Variants in SPTAN1 observed in about 807,000 individuals in gnomAD.
SPTAN1 encodes the protein spectrin alpha, non-erythrocytic 1.
SPTAN1 carries 61 observed loss-of-function variants against 331.3 expected under a neutral mutation model. The observed-to-expected ratio is 0.18, with a 90% CI of 0.15 to 0.23. The LOEUF (loss-of-function observed/expected upper bound fraction) is 0.23, where lower values mean the gene tolerates loss of function less well. Among genes scored for constraint, SPTAN1 ranks in the 10% least tolerant of loss-of-function variants. SPTAN1 has a pLI of 1.00. For missense variants in SPTAN1, 2,043 were observed against 3,147.9 expected, an observed-to-expected ratio of 0.65 and a Z score of 8.40; for synonymous variants, 1,153 against 1,173.9, an observed-to-expected ratio of 0.98 and a Z score of 0.36.
intron 56 of SPTAN1, 102 bp from the exon 57 acceptor site, chr9:128,633,107 T>A: frequency 6.2e-7 from 1 of 1,600,242 alleles, no homozygotes; most frequent in Non-Finnish European, 8.5e-7. Flanking sequence ...CGGATCTGCT[T>A]GTAGAAGCAG....
At chr9:128,584,953 C>T (rs1461671248) in intron 18 of SPTAN1, 110 bp downstream of exon 18, 6 of 1,283,438 alleles carry the variant, frequency 4.7e-6, no homozygotes, top group Non-Finnish European at 6.8e-6. Flanking sequence ...GGCTGAATAC[C>T]ATCCCCATTC....
chr9:128,626,971 C>G, intron 49 of SPTAN1: 2 of 599,166 alleles, frequency 3.3e-6, no homozygotes, highest in Non-Finnish European at 6.2e-6. Flanking sequence ...CGTGCCACCA[C>G]GCCTGGCTAA....
chr9:128,599,935 A>C (rs1338874434), intron 26 of SPTAN1, 145 bp from the exon 27 acceptor site: 1 of 843,598 alleles, frequency 1.2e-6, no homozygotes, highest in African/African-American at 1.7e-5. Context: ...TACCAGCCAA[A>C]CTATGGAGGG....
Position 128,594,194 on chromosome 9 carries a change from C to G in SPTAN1, c.3235C>G (p.Leu1079Val), listed in dbSNP as rs559839676. ...CATCAGATATCATTCTCTGCTGGAA[C>G]TGGGTGAGAAGCGTAAAGGCATGTT... ...VEELYHSLLE[L>V]GEKRKGMLEK... The change falls in exon 24 of 57, where the codon CTG becomes GTG. Residue 1079 changes from leucine to valine, a missense_variant. Leu to Val is a conservative substitution (Grantham distance 32, BLOSUM62 1). This residue lies in a region of SPTAN1 where 1,038 missense variants were observed against 1,531.5 expected (regional missense o/e 0.68). Transcript: ENST00000372739. 109 of 1,614,008 alleles carry G rather than the reference C, an allele frequency of 6.8e-5. No homozygotes were observed. The Admixed American group carries it at 1.5e-3, about 22-fold the overall frequency.
chr9:128,610,539 A>G (rs948594938), intron 37 of SPTAN1, among the ~76,000 whole-genome samples: 2 of 152,006 alleles, frequency 1.3e-5, no homozygotes, highest in Non-Finnish European at 2.9e-5. Flanking sequence ...AGAATTCCCC[A>G]ACACTACTGC....
Position 128,625,766 on chromosome 9 carries a change from C to T in SPTAN1, c.6070-3C>T. The T allele has an allele frequency of 4.3e-6, 7 of 1,613,848 alleles. No homozygotes were observed. The highest frequency in any genetic ancestry group is 5.9e-6 in the Non-Finnish European group (7 of 1,180,024). On this transcript the variant is annotated splice_polypyrimidine_tract_variant and splice_region_variant and intron_variant, in intron 47 of 56. Coordinates refer to ENST00000372739, the MANE Select transcript of SPTAN1 (RefSeq NM_001130438.3). The surrounding 1 kb of genome is among the most constrained non-coding windows in gnomAD (Gnocchi z 4.1). ...ACAAATTGGCTTGTCACTCCTTGTT[C>T]AGGAAACTTTTGACGCTGGGCTGCA...
chr9:128,587,556 T>C (rs1852815652), intron 19 of SPTAN1, 50 bp from the exon 20 acceptor site: 1 of 1,513,952 alleles, frequency 6.6e-7, no homozygotes, highest in Non-Finnish European at 9.2e-7. Context: ...CAGTGGAGGA[T>C]GGGAGGCTTC....
intron 29 of SPTAN1, 129 bp from the exon 30 acceptor site, chr9:128,604,905 C>A (rs1855625227): frequency 2.0e-6 from 2 of 1,016,044 alleles, no homozygotes; most frequent in Admixed American, 4.8e-5. Context: ...GTGCTCCAGC[C>A]TGGGTGACAA....
intron 1 of SPTAN1, among the ~76,000 whole-genome samples, chr9:128,557,952 C>T (rs1405623146): frequency 4.6e-5 from 7 of 151,992 alleles, no homozygotes; most frequent in East Asian, 1.9e-4. Context: ...TACAGGTGCC[C>T]GCCACCACGC....
intron 1 of SPTAN1, among the ~76,000 whole-genome samples, chr9:128,560,727 G>A (rs1322919395): frequency 2.0e-5 from 3 of 151,988 alleles, no homozygotes; most frequent in Non-Finnish European, 4.4e-5. Context: ...AACTAATAAA[G>A]AGGGAGTGAA....
chr9:128,596,625 C>G (rs1854331268), intron 24 of SPTAN1: 1 of 152,012 alleles, frequency 6.6e-6, no homozygotes, highest in Non-Finnish European at 1.5e-5. Flanking sequence ...AGGATTCTTA[C>G]AACAAATTAA....
chr9:128,632,086 G>A, intron 52 of SPTAN1, 41 bp from the exon 53 acceptor site: 1 of 1,603,654 alleles, frequency 6.2e-7, no homozygotes, highest in Middle Eastern at 1.7e-4. Context: ...TGACTGAGCT[G>A]AGGGCCCCCG....
At chr9:128,610,658 G>C (rs929250038) in intron 37 of SPTAN1, among the ~76,000 whole-genome samples, 6 of 151,850 alleles carry the variant, frequency 4.0e-5, no homozygotes, top group Admixed American at 6.6e-5. Flanking sequence ...CTATGTCCTT[G>C]CAATTGTCTC....
rs1159417720 is a variant in SPTAN1, at chr9:128,578,255, T to G, written c.1221+10T>G. ...ACACCAAGAGCACAAGGTAATGGTA[T>G]CTCTAGAATCTTCCAGAAGTGAAGA... On this transcript the variant is annotated intron_variant, in intron 9 of 56. Coordinates refer to ENST00000372739, the MANE Select transcript of SPTAN1 (RefSeq NM_001130438.3). 6.2e-7 allele frequency: 1 copy of G among 1,613,914 alleles called. No individual in the cohort carries two copies. The highest frequency in any genetic ancestry group is 1.1e-5 in the South Asian group (1 of 91,072).
At position 128,581,787 on chromosome 9, in the gene SPTAN1, C is replaced by T. The variant is rs769008515; in HGVS notation, c.1467C>T (p.Phe489=). The T allele has an allele frequency of 8.1e-6, 13 of 1,613,110 alleles. No homozygotes were observed. In the South Asian group the frequency reaches 1.4e-4, roughly 18 times the overall value. The change falls in exon 12 of 57, where the codon TTC becomes TTT. Residue 489 remains phenylalanine, a synonymous_variant. Coordinates refer to ENST00000372739, the MANE Select transcript of SPTAN1 (RefSeq NM_001130438.3). ...VDNWMSKQEA[F]LLNEDLGDSL... ...ACTTTGTTTCCTTTGGCAAGGCGTTCCTGTTGAATGAAGACTTGGGAGATT... is the reference window on the plus strand; with the variant it reads ...ACTTTGTTTCCTTTGGCAAGGCGTTTCTGTTGAATGAAGACTTGGGAGATT...
chr9:128,599,482 GT>G lies in SPTAN1; in HGVS notation c.3543+509del, dbSNP rs111285612. ...ATTCTCCAAAAGACAAAAAAAGTTG[GT>G]TTTTTTTTTTTTCGGTCTTTTGTTT... On this transcript the variant is annotated intron_variant, in intron 26 of 56. Coordinates refer to ENST00000372739, the MANE Select transcript of SPTAN1 (RefSeq NM_001130438.3). 7.8e-3 allele frequency: 1,181 copies of G among 151,252 alleles called. 6 individuals carry two copies. Among genetic ancestry groups the G allele is most frequent in the African/African-American group, 0.018 (700 of 38,708 alleles). The allele number at this position is 151,252 out of a possible 1,614,324, so 9.4% of individuals were successfully genotyped here.
In SPTAN1 at chr9:128,625,047, T is replaced by C; in HGVS notation, c.5993-56T>C. 1 of 1,541,620 alleles carries C rather than the reference T, an allele frequency of 6.5e-7. No individual in the cohort carries two copies. The highest frequency in any genetic ancestry group is 9.0e-7 in the Non-Finnish European group (1 of 1,114,206). On this transcript the variant is annotated intron_variant, in intron 46 of 56. Transcript: ENST00000372739. The surrounding 1 kb of genome is among the most constrained non-coding windows in gnomAD (Gnocchi z 4.1). Reference sequence around the variant, plus strand: ...TTTGTCTGGGTTTTGATGTTTTTCCTTTCTAATCCATCTCCACTGAGGAGG... The same window carrying C: ...TTTGTCTGGGTTTTGATGTTTTTCCCTTCTAATCCATCTCCACTGAGGAGG...
In SPTAN1 at chr9:128,605,163, G is replaced by A. The variant is rs117614529; in HGVS notation, c.3849G>A (p.Ala1283=). The change falls in exon 30 of 57, where the codon GCG becomes GCA. Residue 1283 remains alanine (A), a synonymous_variant. Transcript: ENST00000372739. ...ATGAGGGCTTCGAGAGGGACCTTGC[G>A]GCTCTCGGTGACAAGGTGAGAGGAC... ...RKHEGFERDL[A]ALGDKVNSLG... 1.3e-4 allele frequency: 208 copies of A among 1,613,970 alleles called. 1 individual carries two copies. The East Asian group carries it at 1.8e-3, about 14-fold the overall frequency.
In SPTAN1 at chr9:128,630,390, G is replaced by A; in HGVS notation, c.6762+15G>A. The A allele has an allele frequency of 1.2e-6, 2 of 1,612,042 alleles. No homozygotes were observed. Among genetic ancestry groups the A allele is most frequent in the Non-Finnish European group, 1.7e-6 (2 of 1,179,936 alleles). On this transcript the variant is annotated intron_variant, in intron 52 of 56. Transcript: ENST00000372739. ...AAGCTACCAAAGTAAGTGCCCGTGGGGCTCTGGCCCAGCAGAGACCCTTCA... is the reference window on the plus strand; with the variant it reads ...AAGCTACCAAAGTAAGTGCCCGTGGAGCTCTGGCCCAGCAGAGACCCTTCA...
Sources: gnomAD v4.1 joint callset for allele counts (sites outside exome capture counted in the v4.1 genomes callset) on GRCh38, gnomAD v4.1.1 for gene constraint, gnomAD v4.1.1 regional missense constraint, Gnocchi (gnomAD v3.1) non-coding constraint, MANE v1.5 for transcripts, NCBI Gene and HGNC (gene_info 2026-07-23, HGNC 2026-07-21) for gene names.